The following PPP1R2 variants were observed in gnomAD, a reference collection of about 807,000 sequenced individuals.
PPP1R2 encodes the protein protein phosphatase inhibitor 2.
Under a neutral mutation model 29.9 loss-of-function variants are expected in PPP1R2, and 16 were observed. That is an observed-to-expected ratio of 0.53 (90% CI 0.36 to 0.81). The LOEUF is 0.81. PPP1R2 is among the 30% of genes least tolerant of loss of function. The probability of loss-of-function intolerance (pLI) is 0.00; values close to 1 mark genes in which losing one functional copy is unlikely to be tolerated. For missense variants in PPP1R2, 197 were observed against 252.7 expected (o/e 0.78, Z 1.49); for synonymous variants, 76 against 91.5 (o/e 0.83, Z 0.96).
intron 3 of PPP1R2, among the ~76,000 whole-genome samples, chr3:195,523,989 G>A (rs1718866146): frequency 2.0e-5 from 3 of 152,142 alleles, no homozygotes; most frequent in South Asian, 4.2e-4. Context: ...TTGGAAGGCC[G>A]AGGTGGGAGC....
intron 2 of PPP1R2, chr3:195,527,747 T>C (rs1719024906): frequency 1.1e-5 from 2 of 181,074 alleles, no homozygotes; most frequent in South Asian, 9.4e-5. Context: ...TGTGTGCCCA[T>C]AGTCAGCTAC....
rs753223878 is a variant in PPP1R2 at position 195,523,758 on chromosome 3, T to G, written c.337A>C (p.Lys113Gln). 1.9e-6 allele frequency: 3 copies of G among 1,614,086 alleles called. No individual in the cohort carries two copies. The African/African-American group carries it at 4.0e-5, about 22-fold the overall frequency. Residue 113 changes from lysine (K) to glutamine (Q), a missense_variant, in exon 4 of 6, where the codon AAG (lysine) becomes CAG (glutamine). Physicochemically the swap from Lys to Gln is moderately conservative, Grantham distance 53. This residue lies in a region of PPP1R2 where 135 missense variants were observed against 163.0 expected (regional missense o/e 0.83). Transcript: ENST00000618156. ...CTTTCTTGTTCCTGAATCCGATACT[T>G]TGGCTCCAAGCCTTCAGCTGCAGCT... Reference protein sequence around the residue: ...KLAAAEGLEPKYRIQEQESSG... With the variant: ...KLAAAEGLEPQYRIQEQESSG...
intron 5 of PPP1R2, 48 bp downstream of exon 5, chr3:195,518,970 G>A (rs1376924787): frequency 3.1e-6 from 5 of 1,596,474 alleles, no homozygotes; most frequent in Middle Eastern, 1.7e-4. Context: ...CATTATCTTA[G>A]GCATAGACCA....
Position 195,537,997 on chromosome 3 carries a change from G to C in PPP1R2, c.122+4907C>G, listed in dbSNP as rs186115399. Among the ~76,000 whole-genome samples the C allele has an allele frequency of 3.4e-4, 52 of 152,338 alleles. 1 individual carries two copies. The highest frequency in any genetic ancestry group is 9.9e-4 in the African/African-American group (41 of 41,578). On this transcript the variant is annotated intron_variant, in intron 1 of 5. Transcript: ENST00000618156. Reference sequence around the variant, plus strand: ...CAGAATTAACATTAGTTGTGGAATAGCAAAACCCAAGGAGTGAGCCTGAGC... The same window carrying C: ...CAGAATTAACATTAGTTGTGGAATACCAAAACCCAAGGAGTGAGCCTGAGC...
At chr3:195,535,507 T>G (rs1346493239) in intron 1 of PPP1R2, among the ~76,000 whole-genome samples, 1 of 152,200 alleles carries the variant, frequency 6.6e-6, no homozygotes. Flanking sequence ...ACAGTGCCAA[T>G]CAAGGAACTA....
intron 1 of PPP1R2, among the ~76,000 whole-genome samples, chr3:195,541,752 G>T (rs1396893342): frequency 6.6e-6 from 1 of 152,108 alleles, no homozygotes; most frequent in African/African-American, 2.4e-5. Context: ...GTGAGAGAAT[G>T]TAAGATTCAA....
At chr3:195,533,432 A>C (rs1410620882) in intron 1 of PPP1R2, among the ~76,000 whole-genome samples, 2 of 152,180 alleles carry the variant, frequency 1.3e-5, no homozygotes, top group Non-Finnish European at 2.9e-5. Context: ...TGCAATAAAA[A>C]GTGATCTGTC....
chr3:195,536,121 T>C (rs1171353174), intron 1 of PPP1R2, among the ~76,000 whole-genome samples: 1 of 152,132 alleles, frequency 6.6e-6, no homozygotes, highest in Non-Finnish European at 1.5e-5. Context: ...CAATTGTTTA[T>C]ATTACCTGTA....
At position 195,516,689 on chromosome 3, in the gene PPP1R2, G is replaced by C; in HGVS notation, c.*207C>G. The C allele has an allele frequency of 1.9e-6, 1 of 520,220 alleles. No homozygotes were observed. The highest frequency in any genetic ancestry group is 3.4e-6 in the Non-Finnish European group (1 of 291,032). 32.2% of individuals were successfully genotyped at this position (520,220 alleles called of 1,614,324 possible). Reference sequence around the variant, plus strand: ...ACTGATGATATTACACTGTATTTGTGGTAAAGTACTAGGCACAAGAATATA... The same window carrying C: ...ACTGATGATATTACACTGTATTTGTCGTAAAGTACTAGGCACAAGAATATA... On this transcript the variant is annotated 3_prime_UTR_variant, in exon 6 of 6. Coordinates refer to ENST00000618156, the MANE Select transcript of PPP1R2 (RefSeq NM_006241.8).
At chr3:195,525,105 A>T (rs1404336298) in intron 2 of PPP1R2, among the ~76,000 whole-genome samples, 2 of 152,084 alleles carry the variant, frequency 1.3e-5, no homozygotes, top group Admixed American at 6.6e-5. Context: ...CCAAATGATT[A>T]AAAAAAACAC....
intron 1 of PPP1R2, among the ~76,000 whole-genome samples, chr3:195,538,802 G>C (rs1194721342): frequency 6.6e-6 from 1 of 152,094 alleles, no homozygotes; most frequent in African/African-American, 2.4e-5. Flanking sequence ...TAACATTTGA[G>C]GGTAAGGCAC....
Position 195,516,723 on chromosome 3 carries a change from T to C in PPP1R2, c.*173A>G. The C allele has an allele frequency of 1.7e-6, 1 of 595,018 alleles. No individual in the cohort carries two copies. The highest frequency in any genetic ancestry group is 2.2e-5 in the South Asian group (1 of 46,146). The allele number at this position is 595,018 out of a possible 1,614,324, so 36.9% of individuals were successfully genotyped here. A position where few individuals can be genotyped will look rare whatever the true frequency, so the allele number is the denominator to read the frequency against. On this transcript the variant is annotated 3_prime_UTR_variant, in exon 6 of 6. Coordinates refer to ENST00000618156, the MANE Select transcript of PPP1R2 (RefSeq NM_006241.8). Reference sequence around the variant, plus strand: ...CTAGGCACAAGAATATATATATCGATTAGGCATTTTCAGTCTAATCAGTCT... The same window carrying C: ...CTAGGCACAAGAATATATATATCGACTAGGCATTTTCAGTCTAATCAGTCT...
chr3:195,530,663 T>C (rs1719144446), intron 1 of PPP1R2, among the ~76,000 whole-genome samples: 1 of 152,154 alleles, frequency 6.6e-6, no homozygotes, highest in Non-Finnish European at 1.5e-5. Context: ...GTAGCTGGGA[T>C]GACAGGCGCG....
chr3:195,538,952 C>A (rs1719491579), intron 1 of PPP1R2, among the ~76,000 whole-genome samples: 1 of 152,162 alleles, frequency 6.6e-6, no homozygotes, highest in Non-Finnish European at 1.5e-5. Flanking sequence ...CAATCTGGCA[C>A]CAGATTAACC....
At chr3:195,538,829 CATTT>C (rs1449654684) in intron 1 of PPP1R2, among the ~76,000 whole-genome samples, 1 of 152,090 alleles carries the variant, frequency 6.6e-6, no homozygotes, top group Non-Finnish European at 1.5e-5. Context: ...AAGCACTTTA[CATTT>C]ATTAATTCAT....
chr3:195,518,422 C>CAGGAGAATGGCGGGAACCCA (rs1323035270), intron 5 of PPP1R2, among the ~76,000 whole-genome samples: 3 of 152,100 alleles, frequency 2.0e-5, no homozygotes, highest in South Asian at 2.1e-4. Flanking sequence ...GAGGCCGAGG[C>CAGGAGAATGGCGGGAACCCA]GGGCGGATCA....
chr3:195,519,942 AG>A (rs147171977), intron 4 of PPP1R2, among the ~76,000 whole-genome samples: 2 of 150,424 alleles, frequency 1.3e-5, no homozygotes, highest in Admixed American at 6.6e-5. Context: ...ACAACAGAAA[AG>A]GGGGGGCCAA....
intron 1 of PPP1R2, among the ~76,000 whole-genome samples, chr3:195,536,303 A>G (rs937675622): frequency 4.4e-5 from 6 of 135,906 alleles, no homozygotes; most frequent in African/African-American, 1.5e-4. Context: ...TAAAAAAAAA[A>G]AAAAAAAAAA....
intron 1 of PPP1R2, among the ~76,000 whole-genome samples, chr3:195,533,784 G>C (rs1479935443): frequency 6.6e-6 from 1 of 152,196 alleles, no homozygotes; most frequent in Non-Finnish European, 1.5e-5. Context: ...TTTTATGTGA[G>C]TGCAGGATTG....
Sources: gnomAD v4.1 joint callset for allele counts (sites outside exome capture counted in the v4.1 genomes callset) on GRCh38, gnomAD v4.1.1 for gene constraint, gnomAD v4.1.1 regional missense constraint, MANE v1.5 for transcripts, NCBI Gene and HGNC (gene_info 2026-07-23, HGNC 2026-07-21) for gene names.